Variants in ALG11 observed in about 807,000 individuals in gnomAD.
ALG11 encodes the protein GDP-Man:Man(3)GlcNAc(2)-PP-Dol alpha-1,2-mannosyltransferase.
ALG11 carries 26 observed loss-of-function variants against 38.8 expected under a neutral mutation model. The ratio of observed to expected loss-of-function variants is 0.67; its 90% confidence interval spans 0.49 to 0.93. The LOEUF (loss-of-function observed/expected upper bound fraction) is 0.93, where lower values mean the gene tolerates loss of function less well. Ranked by LOEUF, ALG11 falls within the 40% of genes least tolerant of loss-of-function variation. The pLI, the probability that ALG11 is intolerant of heterozygous loss-of-function variation, is 0.00. For synonymous variants in ALG11, 199 were observed against 211.6 expected, an observed-to-expected ratio of 0.94 and a Z score of 0.52; for missense variants, 535 against 578.8, an observed-to-expected ratio of 0.92 and a Z score of 0.78.
rs1003717136 is a variant in ALG11, at chr13:52,030,986, A to T, written c.*2396A>T. ...GGTCGTCACCAAGCCAGGCCATATC[A>T]TTAAGCCCATAAAAGCAGAGGATGT... On this transcript the variant is annotated 3_prime_UTR_variant, in exon 4 of 4. Coordinates refer to ENST00000521508, the MANE Select transcript of ALG11 (RefSeq NM_001004127.3). 6.2e-7 allele frequency: 1 copy of T among 1,614,074 alleles called. No individual in the cohort carries two copies. The highest frequency in any genetic ancestry group is 1.3e-5 in the African/African-American group (1 of 74,928).
In ALG11 at chr13:52,030,316, G is replaced by A. The variant is rs2140852136; in HGVS notation, c.*1726G>A. The A allele has an allele frequency of 1.9e-6, 3 of 1,614,220 alleles. No individual in the cohort carries two copies. Among genetic ancestry groups the A allele is most frequent in the Non-Finnish European group, 2.5e-6 (3 of 1,180,030 alleles). On this transcript the variant is annotated 3_prime_UTR_variant, in exon 4 of 4. Transcript: ENST00000521508. ...AACCCCTATTGCTACAGAGGTCAGAGAGAGTACAAACTCTGGAAGAGCTAG... is the reference window on the plus strand; with the variant it reads ...AACCCCTATTGCTACAGAGGTCAGAAAGAGTACAAACTCTGGAAGAGCTAG...
intron 2 of ALG11, chr13:52,021,455 GCT>G: frequency 6.6e-6 from 1 of 152,354 alleles, no homozygotes. Flanking sequence ...GTCCCCTAAG[GCT>G]GGTTGGAGCT....
intron 3 of ALG11, among the ~76,000 whole-genome samples, chr13:52,027,284 GGT>G (rs1403586082): frequency 1.3e-5 from 2 of 152,074 alleles, no homozygotes; most frequent in East Asian, 3.9e-4. Flanking sequence ...GCTAGGGGTG[GGT>G]GTTGCAGGAC....
chr13:52,027,448 AG>A (rs1018975490), intron 3 of ALG11, among the ~76,000 whole-genome samples: 3 of 152,212 alleles, frequency 2.0e-5, no homozygotes, highest in Admixed American at 6.5e-5. Flanking sequence ...TCTGTTCTGC[AG>A]GGATTTCACC....
rs964406657 is a variant in ALG11 at position 52,031,056 on chromosome 13, G to C, written c.*2466G>C. On this transcript the variant is annotated 3_prime_UTR_variant, in exon 4 of 4. Transcript: ENST00000521508. ...AGGTCAGACCTGCCTGTCATACAGA[G>C]GAATCCAAAACGAATCACCACACGT... The C allele has an allele frequency of 6.2e-7, 1 of 1,614,022 alleles. No individual in the cohort carries two copies. The highest frequency in any genetic ancestry group is 1.3e-5 in the African/African-American group (1 of 74,928).
chr13:52,028,503 A>G lies in ALG11; in HGVS notation c.1392A>G (p.Arg464=), dbSNP rs1954264161. Reference sequence around the variant, plus strand: ...CTGCAGAAAAGAGACTCCAAATCAGAAAAAGTGCTCGTGCATCTGTAAGCA... The same window carrying G: ...CTGCAGAAAAGAGACTCCAAATCAGGAAAAGTGCTCGTGCATCTGTAAGCA... ...SMSAEKRLQI[R]KSARASVSRF... The change falls in exon 4 of 4, where the codon AGA becomes AGG. Residue 464 remains arginine (R), a synonymous_variant. Coordinates refer to ENST00000521508, the MANE Select transcript of ALG11 (RefSeq NM_001004127.3). The G allele has an allele frequency of 1.1e-5, 17 of 1,614,222 alleles. No homozygotes were observed. The highest frequency in any genetic ancestry group is 1.3e-5 in the Non-Finnish European group (15 of 1,180,018).
rs148529191 is a variant in ALG11 at position 52,029,310 on chromosome 13, C to T, written c.*720C>T. On this transcript the variant is annotated 3_prime_UTR_variant, in exon 4 of 4. Coordinates refer to ENST00000521508, the MANE Select transcript of ALG11 (RefSeq NM_001004127.3). ...GGGAAGGAGCAGCCAGCCATTGCTC[C>T]CATTGAACATGCGCTCAGTGGCTGG... 1.2e-6 allele frequency: 2 copies of T among 1,614,110 alleles called. No homozygotes were observed. Among genetic ancestry groups the T allele is most frequent in the African/African-American group, 2.7e-5 (2 of 75,030 alleles).
rs1363416785 is a variant in ALG11 at position 52,012,423 on chromosome 13, C to T, written c.5C>T (p.Ala2Val). Residue 2 changes from alanine (A) to valine (V), a missense_variant, in exon 1 of 4, where the codon GCG becomes GTG. By Grantham distance (64) the Ala-to-Val change is moderately conservative (BLOSUM62 0). Coordinates refer to ENST00000521508, the MANE Select transcript of ALG11 (RefSeq NM_001004127.3). ...GAGTTCGGGGGTCGGCGGAAGATGGCGGCCGGCGAAAGGAGCTGGTGCCTG... is the reference window on the plus strand; with the variant it reads ...GAGTTCGGGGGTCGGCGGAAGATGGTGGCCGGCGAAAGGAGCTGGTGCCTG... MAAGERSWCLCK... is the reference protein window; with the variant it reads MVAGERSWCLCK... The T allele has an allele frequency of 1.2e-6, 2 of 1,614,060 alleles. No individual in the cohort carries two copies. The highest frequency in any genetic ancestry group is 2.2e-5 in the East Asian group (1 of 44,878).
intron 1 of ALG11, among the ~76,000 whole-genome samples, chr13:52,014,059 T>C (rs1302622242): frequency 6.6e-6 from 1 of 152,202 alleles, no homozygotes; most frequent in Non-Finnish European, 1.5e-5. Flanking sequence ...GAGAAGAATA[T>C]CTGTAACTAG....
At chr13:52,013,965 A>T (rs1299317667) in intron 1 of ALG11, among the ~76,000 whole-genome samples, 1 of 152,258 alleles carries the variant, frequency 6.6e-6, no homozygotes, top group East Asian at 1.9e-4. Flanking sequence ...TAACAGTGTG[A>T]AAAGGTCATT....
At chr13:52,027,171 CAA>C (rs1954249400) in intron 3 of ALG11, among the ~76,000 whole-genome samples, 1 of 152,028 alleles carries the variant, frequency 6.6e-6, no homozygotes, top group Admixed American at 6.6e-5. Flanking sequence ...GAGCAAAAAT[CAA>C]AAGTCAAGCA....
chr13:52,028,516 G>A lies in ALG11; in HGVS notation c.1405G>A (p.Ala469Thr). ...ACTCCAAATCAGAAAAAGTGCTCGT[G>A]CATCTGTAAGCAGATTCTCTGATCA... ...KRLQIRKSAR[A>T]SVSRFSDQEF... Residue 469 changes from alanine (A) to threonine (T), a missense_variant, in exon 4 of 4, where the codon GCA becomes ACA. Ala to Thr is a moderately conservative substitution (Grantham distance 58). Coordinates refer to ENST00000521508, the MANE Select transcript of ALG11 (RefSeq NM_001004127.3). 6.2e-7 allele frequency: 1 copy of A among 1,614,118 alleles called. No homozygotes were observed. The highest frequency in any genetic ancestry group is 2.2e-5 in the East Asian group (1 of 44,888).
intron 2 of ALG11, chr13:52,022,658 C>T (rs530197908): frequency 6.6e-6 from 1 of 152,050 alleles, no homozygotes; most frequent in African/African-American, 2.4e-5. Flanking sequence ...CTCCATACCC[C>T]CAAAACCTGG....
intron 1 of ALG11, chr13:52,017,432 C>G (rs1160743506): frequency 3.3e-5 from 5 of 152,402 alleles, no homozygotes; most frequent in African/African-American, 1.2e-4. Context: ...TGTCCCCACC[C>G]AAATCTCAGT....
intron 2 of ALG11, 45 bp downstream of exon 2, chr13:52,019,188 T>C (rs747265772): frequency 4.5e-5 from 64 of 1,410,102 alleles, no homozygotes; most frequent in Non-Finnish European, 6.2e-5. Flanking sequence ...TTGTTCCATT[T>C]CTTAAAAATT....
chr13:52,029,063 G>A lies in ALG11; in HGVS notation c.*473G>A. The A allele has an allele frequency of 6.2e-7, 1 of 1,614,252 alleles. No homozygotes were observed. The highest frequency in any genetic ancestry group is 8.5e-7 in the Non-Finnish European group (1 of 1,180,050). ...AGGATCAGGAGAAAAGCTGGGCCTT[G>A]CAGATCTGCTTGAGCCCGTTAAAAC... is the stretch of plus-strand genomic sequence containing the variant. On this transcript the variant is annotated 3_prime_UTR_variant, in exon 4 of 4. Coordinates refer to ENST00000521508, the MANE Select transcript of ALG11 (RefSeq NM_001004127.3).
At chr13:52,013,827 C>T (rs1954111226) in intron 1 of ALG11, among the ~76,000 whole-genome samples, 1 of 152,206 alleles carries the variant, frequency 6.6e-6, no homozygotes, top group South Asian at 2.1e-4. Flanking sequence ...ATGCAGGTCC[C>T]AAGGCCCTTC....
At position 52,030,782 on chromosome 13, in the gene ALG11, G is replaced by A; in HGVS notation, c.*2192G>A. ...AGCCCCTGAGGGTCCTCCAAGAAAA[G>A]ATAAGAATTTGCCAAATGTGATTAT... is the stretch of plus-strand genomic sequence containing the variant. On this transcript the variant is annotated 3_prime_UTR_variant, in exon 4 of 4. Coordinates refer to ENST00000521508, the MANE Select transcript of ALG11 (RefSeq NM_001004127.3). The A allele has an allele frequency of 6.2e-7, 1 of 1,614,180 alleles. No individual in the cohort carries two copies. Among genetic ancestry groups the A allele is most frequent in the Admixed American group, 1.7e-5 (1 of 60,022 alleles).
In ALG11 at chr13:52,033,204, G is replaced by A. The variant is rs985877008; in HGVS notation, c.*4614G>A. 1.2e-5 allele frequency: 2 copies of A among 167,012 alleles called. No homozygotes were observed. The highest frequency in any genetic ancestry group is 1.9e-4 in the East Asian group (1 of 5,210). The allele number at this position is 167,012 out of a possible 1,614,324, so 10.3% of individuals were successfully genotyped here. On this transcript the variant is annotated 3_prime_UTR_variant, in exon 4 of 4. Transcript: ENST00000521508. ...GTGTCAAAGTGGTTTGTCCGCTAGC[G>A]TCTGTCTGCAGAACTTTCAGGATGA...
Sources: gnomAD v4.1 joint callset for allele counts (sites outside exome capture counted in the v4.1 genomes callset) on GRCh38, gnomAD v4.1.1 for gene constraint, MANE v1.5 for transcripts, NCBI Gene and HGNC (gene_info 2026-07-23, HGNC 2026-07-21) for gene names.